The following ATL2 variants were observed in gnomAD, a reference collection of about 807,000 sequenced individuals.
ATL2 encodes atlastin GTPase 2.
Under a neutral mutation model 73.9 loss-of-function variants are expected in ATL2, and 31 were observed. That is an observed-to-expected ratio of 0.42 (90% confidence interval 0.32 to 0.57). The LOEUF is 0.57. Ranked by LOEUF, ATL2 falls within the 20% of genes least tolerant of loss-of-function variation. The probability of loss-of-function intolerance (pLI) is 0.14; values close to 1 mark genes in which losing one functional copy is unlikely to be tolerated. For synonymous variants in ATL2, 291 were observed against 237.5 expected, an observed-to-expected ratio of 1.23 and a Z score of -2.07; for missense variants, 738 against 702.6, an observed-to-expected ratio of 1.05 and a Z score of -0.57.
In ATL2 at chr2:38,294,266, G is replaced by C. The variant is rs200478381; in HGVS notation, c.*1728C>G. 6.6e-6 allele frequency among the ~76,000 whole-genome samples: 1 copy of C among 152,196 alleles called. No homozygotes were observed. The highest frequency in any genetic ancestry group is 2.4e-5 in the African/African-American group (1 of 41,460). Reference sequence around the variant, plus strand: ...TCTCTTCGCTTAAAAAGCAAACTAAGGGCCGGGCGCGGTGGCTCACGCCTG... The same window carrying C: ...TCTCTTCGCTTAAAAAGCAAACTAACGGCCGGGCGCGGTGGCTCACGCCTG... On this transcript the variant is annotated 3_prime_UTR_variant, in exon 13 of 13. Coordinates refer to ENST00000378954, the MANE Select transcript of ATL2 (RefSeq NM_001135673.4).
At chr2:38,368,250 T>A (rs1454367312) in intron 1 of ATL2, among the ~76,000 whole-genome samples, 32 of 149,244 alleles carry the variant, frequency 2.1e-4, no homozygotes, top group African/African-American at 5.4e-4. Context: ...ATAAGGACTT[T>A]TTTTTTTTTT....
intron 1 of ATL2, among the ~76,000 whole-genome samples, chr2:38,365,961 TA>T (rs1339614952): frequency 6.7e-6 from 1 of 150,058 alleles, no homozygotes; most frequent in Non-Finnish European, 1.5e-5. Flanking sequence ...AAAAAAGAGG[TA>T]AGTATTCACT....
rs79238893 is a variant in ATL2, at chr2:38,346,883, T to C, written c.119-3371A>G. Among the ~76,000 whole-genome samples, 235 of 152,306 alleles carry C rather than the reference T, an allele frequency of 1.5e-3. 3 individuals carry two copies. Among genetic ancestry groups the C allele is most frequent in the African/African-American group, 5.4e-3 (226 of 41,558 alleles). On this transcript the variant is annotated intron_variant, in intron 1 of 12. Transcript: ENST00000378954. ...CAGATCCTCATGCTGCTAAGCTCTT[T>C]CTAGACTCTGCTTTAATATTCCTCT...
At chr2:38,334,437 C>T (rs998506376) in intron 2 of ATL2, among the ~76,000 whole-genome samples, 4 of 151,872 alleles carry the variant, frequency 2.6e-5, no homozygotes, top group Non-Finnish European at 5.9e-5. Flanking sequence ...CACGGTGGCT[C>T]ACACCTGTAA....
chr2:38,315,807 C>A (rs1667998437), intron 4 of ATL2, among the ~76,000 whole-genome samples: 1 of 152,192 alleles, frequency 6.6e-6, no homozygotes, highest in Non-Finnish European at 1.5e-5. Context: ...CTACTACTGA[C>A]TCTAGTGTGG....
At position 38,303,404 on chromosome 2, in the gene ATL2, C is replaced by T. The variant is rs186520908; in HGVS notation, c.1072-3076G>A. On this transcript the variant is annotated intron_variant, in intron 9 of 12. Transcript: ENST00000378954. ...TATTTTTTGTAGAGACAAGGTTTCA[C>T]CATGTTGCCCAGACTGGTCTCAAGT... 7.2e-4 allele frequency among the ~76,000 whole-genome samples: 110 copies of T among 152,000 alleles called. 1 individual carries two copies. The highest frequency in any genetic ancestry group is 3.4e-3 in the Middle Eastern group (1 of 294).
At position 38,318,869 on chromosome 2, in the gene ATL2, A is replaced by T. The variant is rs371366578; in HGVS notation, c.498+16T>A. On this transcript the variant is annotated intron_variant, in intron 3 of 12. Transcript: ENST00000378954. ...AAGAAAGAATACAGGGTAGAAAAGT[A>T]TAAACAGAATTTTACTTTAGTTCCA... 7 of 1,609,298 alleles carry T rather than the reference A, an allele frequency of 4.3e-6. No individual in the cohort carries two copies. Among genetic ancestry groups the T allele is most frequent in the Non-Finnish European group, 5.9e-6 (7 of 1,178,200 alleles).
intron 1 of ATL2, among the ~76,000 whole-genome samples, chr2:38,374,475 A>C (rs1671854744): frequency 2.0e-5 from 3 of 152,226 alleles, no homozygotes; most frequent in Admixed American, 6.5e-5. Context: ...GCTTCCCTGC[A>C]CCTATCTGGA....
At chr2:38,309,774 C>G (rs1239147751) in intron 8 of ATL2, among the ~76,000 whole-genome samples, 1 of 152,012 alleles carries the variant, frequency 6.6e-6, no homozygotes, top group African/African-American at 2.4e-5. Context: ...TTGTGGACTA[C>G]CAAGACAAAT....
intron 2 of ATL2, among the ~76,000 whole-genome samples, chr2:38,327,796 C>A (rs528075403): frequency 6.6e-6 from 1 of 152,026 alleles, no homozygotes; most frequent in African/African-American, 2.4e-5. Context: ...CTTAGCGGGG[C>A]GTGGTGGCGG....
rs61343926 is a variant in ATL2 at position 38,354,184 on chromosome 2, C to CAAAAAAAAAAAAA, written c.119-10673_119-10672insTTTTTTTTTTTTT. On this transcript the variant is annotated intron_variant, in intron 1 of 12. Transcript: ENST00000378954. ...CTGGCGACAGAGCAAGACTCTGTCT[C>CAAAAAAAAAAAAA]AAAAAAAAGCAAAGAGTATCTGTCA... 7.7e-5 allele frequency: 32 copies of CAAAAAAAAAAAAA among 414,520 alleles called. 1 individual carries two copies. The highest frequency in any genetic ancestry group is 6.3e-4 in the African/African-American group (26 of 41,024). The allele number at this position is 414,520 out of a possible 1,614,324, so 25.7% of individuals were successfully genotyped here. A position where few individuals can be genotyped will look rare whatever the true frequency, so the allele number is the denominator to read the frequency against.
intron 1 of ATL2, among the ~76,000 whole-genome samples, chr2:38,347,440 C>G (rs1670087127): frequency 6.6e-6 from 1 of 152,208 alleles, no homozygotes; most frequent in Non-Finnish European, 1.5e-5. Context: ...CTCTTCAGCT[C>G]AAATGTTATC....
In ATL2 at chr2:38,318,749, A is replaced by T; in HGVS notation, c.499-110T>A. 6.9e-6 allele frequency: 9 copies of T among 1,308,268 alleles called. No individual in the cohort carries two copies. In the Middle Eastern group the frequency reaches 5.8e-4, roughly 84 times the overall value. 81.0% of individuals were successfully genotyped at this position (1,308,268 alleles called of 1,614,324 possible). A position where few individuals can be genotyped will look rare whatever the true frequency, so the allele number is the denominator to read the frequency against. On this transcript the variant is annotated intron_variant, in intron 3 of 12. Transcript: ENST00000378954. ...AGTAATTAAATCAAGAAAAGTACTT[A>T]TATCTCATACATTTGACATAATAAT...
intron 2 of ATL2, among the ~76,000 whole-genome samples, chr2:38,325,700 AC>A (rs1668599720): frequency 1.5e-3 from 4 of 2,640 alleles, no homozygotes; most frequent in Non-Finnish European, 1.6e-3. Context: ...ACACACCAGT[AC>A]ACACACACAC....
chr2:38,356,432 A>C (rs912352193), intron 1 of ATL2, among the ~76,000 whole-genome samples: 1 of 151,300 alleles, frequency 6.6e-6, no homozygotes, highest in East Asian at 2.0e-4. Flanking sequence ...CAAGTGATCC[A>C]CCCACCTCAC....
chr2:38,296,724 G>A (rs1317894712), intron 12 of ATL2: 4 of 1,551,870 alleles, frequency 2.6e-6, no homozygotes, highest in African/African-American at 1.4e-5. Context: ...AAAGAGAAAT[G>A]CAAAGAAATT....
At position 38,375,581 on chromosome 2, in the gene ATL2, G is replaced by A. The variant is rs551781103; in HGVS notation, c.118+1562C>T. On this transcript the variant is annotated intron_variant, in intron 1 of 12. Coordinates refer to ENST00000378954, the MANE Select transcript of ATL2 (RefSeq NM_001135673.4). ...TATAAATTTATGTTTCTTCTAATAA[G>A]GTAAATACATAGAATATTTTGAAAC... Among the ~76,000 whole-genome samples, 39 of 151,814 alleles carry A rather than the reference G, an allele frequency of 2.6e-4. No individual in the cohort carries two copies. In the South Asian group the frequency reaches 7.7e-3, roughly 30 times the overall value.
intron 4 of ATL2, among the ~76,000 whole-genome samples, chr2:38,316,645 T>A (rs367668485): frequency 2.4e-4 from 36 of 152,284 alleles, no homozygotes; most frequent in African/African-American, 8.2e-4. Flanking sequence ...CACTTTCATA[T>A]GCATTATCTC....
chr2:38,336,036 T>A (rs1262201318), intron 2 of ATL2, among the ~76,000 whole-genome samples: 1 of 152,160 alleles, frequency 6.6e-6, no homozygotes, highest in Middle Eastern at 3.4e-3. Flanking sequence ...AATACATAAA[T>A]AAACAAATAA....
Sources: gnomAD v4.1 joint callset for allele counts (sites outside exome capture counted in the v4.1 genomes callset) on GRCh38, gnomAD v4.1.1 for gene constraint, MANE v1.5 for transcripts, NCBI Gene and HGNC (gene_info 2026-07-23, HGNC 2026-07-21) for gene names.